VPS41: variants seen among roughly 807,000 people sequenced by gnomAD.
The protein encoded by VPS41 is vacuolar protein sorting-associated protein 41 homolog.
Under a neutral mutation model 130.9 loss-of-function variants are expected in VPS41, and 85 were observed. That is an observed-to-expected ratio of 0.65 (90% CI 0.55 to 0.78). The LOEUF is 0.78. Ranked by LOEUF, VPS41 falls within the 30% of genes least tolerant of loss-of-function variation. The pLI is 0.00. For missense variants in VPS41, 874 were observed against 1,018.7 expected, an observed-to-expected ratio of 0.86 and a Z score of 1.93; for synonymous variants, 335 against 332.9, an observed-to-expected ratio of 1.01 and a Z score of -0.07.
chr7:38,787,279 ATGATGTC>A (rs1784456426), intron 10 of VPS41, among the ~76,000 whole-genome samples: 1 of 152,172 alleles, frequency 6.6e-6, no homozygotes, highest in Admixed American at 6.5e-5. Flanking sequence ...TCCCAACATC[ATGATGTC>A]AGCTCTCCAA....
chr7:38,754,317 T>C lies in VPS41; in HGVS notation c.1788+385A>G, dbSNP rs77606646. Among the ~76,000 whole-genome samples the C allele has an allele frequency of 5.4e-3, 829 of 152,314 alleles. 6 individuals are homozygous for C. The highest frequency in any genetic ancestry group is 0.018 in the African/African-American group (752 of 41,572). ...CTGGCCTTTACTGTGATATATGCCA[T>C]GGTTATATTTAATGGCAACTACAGA... On this transcript the variant is annotated intron_variant, in intron 21 of 28. Transcript: ENST00000310301.
chr7:38,909,067 C>T, intron 1 of VPS41, 87 bp downstream of exon 1: 2 of 1,525,196 alleles, frequency 1.3e-6, no homozygotes, highest in Non-Finnish European at 1.8e-6. Flanking sequence ...CAGCTCCGCA[C>T]CTCCACCCAC....
intron 22 of VPS41, among the ~76,000 whole-genome samples, chr7:38,750,083 C>T (rs538697400): frequency 6.6e-6 from 1 of 152,296 alleles, no homozygotes; most frequent in South Asian, 2.1e-4. Context: ...CCAGGCTGGT[C>T]TCAAACTCCT....
intron 7 of VPS41, among the ~76,000 whole-genome samples, chr7:38,815,444 ATTAT>A (rs1272208030): frequency 1.3e-5 from 2 of 152,128 alleles, no homozygotes; most frequent in African/African-American, 4.8e-5. Context: ...AAAAAGAAAA[ATTAT>A]TTATTCTTAC....
intron 9 of VPS41, among the ~76,000 whole-genome samples, chr7:38,791,548 T>C (rs556631293): frequency 1.9e-4 from 29 of 152,252 alleles, no homozygotes; most frequent in African/African-American, 6.7e-4. Context: ...CAGGGGCATC[T>C]CCTGCTAGGG....
At chr7:38,814,743 A>G (rs927743365) in intron 7 of VPS41, among the ~76,000 whole-genome samples, 1 of 152,216 alleles carries the variant, frequency 6.6e-6, no homozygotes, top group African/African-American at 2.4e-5. Context: ...ATCAACACTC[A>G]TATTATCTCT....
At chr7:38,903,766 T>C (rs1051794014) in intron 1 of VPS41, among the ~76,000 whole-genome samples, 25 of 152,102 alleles carry the variant, frequency 1.6e-4, no homozygotes, top group African/African-American at 5.8e-4. Context: ...TTAAAAAACC[T>C]CAAAGGAGTT....
At chr7:38,772,661 C>G (rs780183305) in intron 12 of VPS41, 24 bp from the exon 13 acceptor site, 1 of 1,542,568 alleles carries the variant, frequency 6.5e-7, no homozygotes. Context: ...AAGAGAGGAA[C>G]GACTTGGTGA....
intron 5 of VPS41, among the ~76,000 whole-genome samples, chr7:38,821,902 C>T (rs1785179714): frequency 6.6e-6 from 1 of 151,914 alleles, no homozygotes; most frequent in Admixed American, 6.6e-5. Flanking sequence ...CTTTTATAAA[C>T]TTCCATAAGC....
At chr7:38,779,745 A>AACACCT (rs1584392252) in intron 10 of VPS41, among the ~76,000 whole-genome samples, 2 of 152,360 alleles carry the variant, frequency 1.3e-5, no homozygotes, top group East Asian at 3.9e-4. Flanking sequence ...TGTCAAAATG[A>AACACCT]ACATGAAGGT....
chr7:38,778,748 T>A (rs183910174), intron 10 of VPS41, among the ~76,000 whole-genome samples: 66 of 152,268 alleles, frequency 4.3e-4, no homozygotes, highest in African/African-American at 1.5e-3. Context: ...AAACGTCTCC[T>A]AATCACAAAA....
intron 9 of VPS41, among the ~76,000 whole-genome samples, chr7:38,794,075 A>T (rs530390415): frequency 6.6e-5 from 10 of 152,306 alleles, no homozygotes; most frequent in Admixed American, 4.6e-4. Flanking sequence ...GTAATGAGTA[A>T]ACTTGTTACA....
chr7:38,795,336 A>G, intron 9 of VPS41, 129 bp downstream of exon 9: 1 of 628,742 alleles, frequency 1.6e-6, no homozygotes, highest in Middle Eastern at 4.3e-4. Context: ...ATTAAATGGT[A>G]ATCACGTCAC....
At chr7:38,881,916 T>C (rs1786618355) in intron 2 of VPS41, among the ~76,000 whole-genome samples, 1 of 152,058 alleles carries the variant, frequency 6.6e-6, no homozygotes, top group East Asian at 1.9e-4. Context: ...AATAATAAAA[T>C]AGCAGCAGCA....
At chr7:38,728,409 A>G (rs749042681) in intron 27 of VPS41, 133 bp downstream of exon 27, 3 of 1,020,548 alleles carry the variant, frequency 2.9e-6, no homozygotes, top group Admixed American at 3.6e-5. Context: ...GATGGAAGCC[A>G]CAACACTTCT....
chr7:38,773,635 G>A (rs57465190), intron 12 of VPS41, among the ~76,000 whole-genome samples: 7,454 of 152,146 alleles, frequency 0.049, 620 homozygotes, highest in African/African-American at 0.17. Context: ...GTGACTAAGT[G>A]TATTTCTCCG....
intron 3 of VPS41, among the ~76,000 whole-genome samples, chr7:38,864,891 T>A (rs1172017188): frequency 1.3e-5 from 2 of 152,104 alleles, no homozygotes; most frequent in Non-Finnish European, 2.9e-5. Context: ...TTGGGCATCA[T>A]CCACTAAGCA....
intron 4 of VPS41, among the ~76,000 whole-genome samples, chr7:38,844,844 G>C: frequency 6.6e-6 from 1 of 151,968 alleles, no homozygotes; most frequent in East Asian, 1.9e-4. Flanking sequence ...AAAACCCTAG[G>C]CTGCTGTGCC....
intron 25 of VPS41, among the ~76,000 whole-genome samples, chr7:38,738,215 C>T (rs1388762322): frequency 6.6e-6 from 1 of 152,104 alleles, no homozygotes; most frequent in Non-Finnish European, 1.5e-5. Flanking sequence ...AACTAAGACC[C>T]CACTCTAATT....
Sources: allele counts gnomAD v4.1 joint callset (sites outside exome capture counted in the v4.1 genomes callset), GRCh38; gene constraint gnomAD v4.1.1; transcripts MANE v1.5; gene names NCBI Gene and HGNC (gene_info 2026-07-23, HGNC 2026-07-21).